EXPH5: variants seen among roughly 807,000 people sequenced by gnomAD.
EXPH5 encodes exophilin-5.
In EXPH5, 42 loss-of-function variants were observed where a neutral mutation model predicts 41.1. The observed-to-expected ratio is 1.02, with a 90% CI of 0.80 to 1.32. The LOEUF is 1.32. EXPH5 is among the 40% of genes most tolerant of loss of function. The pLI, the probability that EXPH5 is intolerant of heterozygous loss-of-function variation, is 0.00. For synonymous variants in EXPH5, 798 were observed against 833.5 expected (o/e 0.96, Z 0.73); for missense variants, 2,298 against 2,314.5 (o/e 0.99, Z 0.15).
chr11:108,558,139 C>T (rs1406925815), intron 1 of EXPH5, among the ~76,000 whole-genome samples: 1 of 151,790 alleles, frequency 6.6e-6, no homozygotes, highest in African/African-American at 2.4e-5. Flanking sequence ...GATGGGGTTT[C>T]ACCATGTTGT....
chr11:108,512,028 A>G lies in EXPH5; in HGVS notation c.3479T>C (p.Ile1160Thr). The change falls in exon 6 of 6, where the codon ATC (isoleucine) becomes ACC (threonine). Residue 1160 changes from isoleucine (I) to threonine (T), a missense_variant. Ile to Thr is a moderately conservative substitution (Grantham distance 89). Transcript: ENST00000265843. ...SELTPRAWER[I>T]ISPVESDSSV... ...TGAGTCACTTTCCACAGGGCTAATG[A>G]TTCTCTCCCAAGCCCTTGGTGTTAG... 6.3e-7 allele frequency: 1 copy of G among 1,594,180 alleles called. No homozygotes were observed. Among genetic ancestry groups the G allele is most frequent in the South Asian group, 1.2e-5 (1 of 86,776 alleles).
intron 4 of EXPH5, among the ~76,000 whole-genome samples, chr11:108,521,845 C>G (rs1386987601): frequency 6.6e-6 from 1 of 152,170 alleles, no homozygotes; most frequent in Non-Finnish European, 1.5e-5. Context: ...CCATTTAACA[C>G]CAAACAATCT....
chr11:108,576,319 C>T (rs73550541), intron 1 of EXPH5, among the ~76,000 whole-genome samples: 6,031 of 152,148 alleles, frequency 0.04, 394 homozygotes, highest in African/African-American at 0.14. Context: ...TAAAAGAAGA[C>T]AGACAAAAAT....
chr11:108,574,285 G>A (rs1438166733), intron 1 of EXPH5, among the ~76,000 whole-genome samples: 1 of 151,870 alleles, frequency 6.6e-6, no homozygotes, highest in Non-Finnish European at 1.5e-5. Flanking sequence ...AGGCTAAGGC[G>A]GGAGATCACT....
rs1400956617 is a variant in EXPH5 at position 108,593,756 on chromosome 11, G to T, written c.-220C>A. On this transcript the variant is annotated 5_prime_UTR_variant, in exon 1 of 6. Coordinates refer to ENST00000265843, the MANE Select transcript of EXPH5 (RefSeq NM_015065.3). ...CATGTTTCTCTCAACCTGTCCAACC[G>T]AGATGCAAAGTGAACGGCTAAAGGG... The T allele has an allele frequency of 6.5e-7, 1 of 1,535,804 alleles. No individual in the cohort carries two copies. The highest frequency in any genetic ancestry group is 2.0e-5 in the Admixed American group (1 of 50,964).
chr11:108,552,444 TTATAA>T (rs2093970804), intron 1 of EXPH5, among the ~76,000 whole-genome samples: 1 of 152,046 alleles, frequency 6.6e-6, no homozygotes, highest in African/African-American at 2.4e-5. Context: ...GTGGTAAACT[TTATAA>T]AGTAAGCAAG....
chr11:108,578,531 C>T (rs2094087115), intron 1 of EXPH5, among the ~76,000 whole-genome samples: 1 of 152,028 alleles, frequency 6.6e-6, no homozygotes, highest in South Asian at 2.1e-4. Context: ...TTTTGTGGTT[C>T]CATCTTCATT....
rs951285624 is a variant in EXPH5 at position 108,513,810 on chromosome 11, G to T, written c.1697C>A (p.Ser566Ter). ...AGTCAACTGGGTCTCATTACCATGTGATACCACCATGCTATCCAGTGTGGA... is the reference window on the plus strand; with the variant it reads ...AGTCAACTGGGTCTCATTACCATGTTATACCACCATGCTATCCAGTGTGGA... ...QRSTLDSMVVSHGNETQLTPH... is the reference protein window; with the variant it reads ...QRSTLDSMVV The change falls in exon 6 of 6, where the codon TCA becomes TAA. Residue 566 changes from serine (S) to a stop codon, truncating the protein, a stop_gained. Coordinates refer to ENST00000265843, the MANE Select transcript of EXPH5 (RefSeq NM_015065.3). LOFTEE classifies it low-confidence loss of function (END_TRUNC). The T allele has an allele frequency of 1.4e-5, 23 of 1,602,310 alleles. No individual in the cohort carries two copies. The highest frequency in any genetic ancestry group is 1.9e-5 in the Non-Finnish European group (22 of 1,175,434).
intron 1 of EXPH5, among the ~76,000 whole-genome samples, chr11:108,588,182 AT>A (rs2136124802): frequency 6.6e-6 from 1 of 152,394 alleles, no homozygotes; most frequent in East Asian, 1.9e-4. Context: ...GCATATATGC[AT>A]TTTTAACATA....
Position 108,509,789 on chromosome 11 carries a change from T to G in EXPH5, c.5718A>C (p.Thr1906=), listed in dbSNP as rs762418961. ...AACTTGGTTTCCATAATCTTCCTTG[T>G]GTAAGTGACCTCTTTACATTTTCTA... ...AFLENVKRSL[T]QGRLWKPSFL... Residue 1906 remains threonine, a synonymous_variant, in exon 6 of 6, where the codon ACA becomes ACC. Transcript: ENST00000265843. 2 of 1,610,650 alleles carry G rather than the reference T, an allele frequency of 1.2e-6. No individual in the cohort carries two copies. The highest frequency in any genetic ancestry group is 2.7e-5 in the African/African-American group (2 of 74,594).
At chr11:108,517,287 C>T (rs565655101) in intron 5 of EXPH5, among the ~76,000 whole-genome samples, 60 of 152,176 alleles carry the variant, frequency 3.9e-4, no homozygotes, top group African/African-American at 1.4e-3. Flanking sequence ...TTTTTCATTC[C>T]ATAAACAGTA....
chr11:108,587,434 A>G (rs147517826), intron 1 of EXPH5, among the ~76,000 whole-genome samples: 77 of 152,282 alleles, frequency 5.1e-4, no homozygotes, highest in African/African-American at 1.7e-3. Context: ...GCAGTAAGTT[A>G]AGTTCCATTT....
intron 1 of EXPH5, among the ~76,000 whole-genome samples, chr11:108,576,001 G>A (rs989691858): frequency 6.6e-6 from 1 of 151,938 alleles, no homozygotes; most frequent in African/African-American, 2.4e-5. Context: ...AATGACATGG[G>A]GGTAACAGTT....
chr11:108,532,339 G>GATAGATATATATATATATAT (rs1555192496), intron 3 of EXPH5, among the ~76,000 whole-genome samples: 1 of 23,426 alleles, frequency 4.3e-5, no homozygotes, highest in Non-Finnish European at 7.3e-5. Context: ...CACCACACTG[G>GATAGATATATATATATATAT]ATATATATAT....
At chr11:108,567,636 C>T (rs529379538) in intron 1 of EXPH5, among the ~76,000 whole-genome samples, 1 of 152,326 alleles carries the variant, frequency 6.6e-6, no homozygotes, top group South Asian at 2.1e-4. Context: ...CCCATACAAA[C>T]ATTAGGCCTT....
chr11:108,515,037 C>A (rs1055084950), intron 5 of EXPH5, among the ~76,000 whole-genome samples, 162 bp from the exon 6 acceptor site: 2 of 151,988 alleles, frequency 1.3e-5, no homozygotes, highest in Non-Finnish European at 2.9e-5. Flanking sequence ...TTTAAGATAG[C>A]CTGACTTTTA....
At chr11:108,575,088 A>G (rs2094075492) in intron 1 of EXPH5, among the ~76,000 whole-genome samples, 1 of 152,244 alleles carries the variant, frequency 6.6e-6, no homozygotes, top group South Asian at 2.1e-4. Context: ...ATCCTCATAT[A>G]TAAATGGGTA....
intron 1 of EXPH5, among the ~76,000 whole-genome samples, chr11:108,582,508 C>T (rs2094101475): frequency 6.6e-6 from 1 of 151,788 alleles, no homozygotes; most frequent in South Asian, 2.1e-4. Flanking sequence ...AACTATATAT[C>T]AGTACCTCTC....
chr11:108,544,905 T>G (rs1020295847), intron 1 of EXPH5, among the ~76,000 whole-genome samples: 3 of 152,190 alleles, frequency 2.0e-5, no homozygotes, highest in African/African-American at 7.2e-5. Context: ...TTTTAGCTTA[T>G]TTTATTATTT....
Sources: gnomAD v4.1 joint callset for allele counts (sites outside exome capture counted in the v4.1 genomes callset) on GRCh38, gnomAD v4.1.1 for gene constraint, MANE v1.5 for transcripts, NCBI Gene and HGNC (gene_info 2026-07-23, HGNC 2026-07-21) for gene names.